The following WDFY4 variants were observed in gnomAD, a reference collection of about 807,000 sequenced individuals.
The protein encoded by WDFY4 is WDFY family member 4, also known as WD repeat- and FYVE domain-containing protein 4.
In WDFY4, 169 loss-of-function variants were observed where a neutral mutation model predicts 351.9. The ratio of observed to expected loss-of-function variants is 0.48; its 90% CI spans 0.42 to 0.55. The LOEUF is 0.55. Ranked by LOEUF, WDFY4 falls within the 20% of genes least tolerant of loss-of-function variation. The probability of loss-of-function intolerance (pLI) is 0.00; values close to 1 mark genes in which losing one functional copy is unlikely to be tolerated. For synonymous variants in WDFY4, 1,622 were observed against 1,574.6 expected (o/e 1.03, Z -0.71); for missense variants, 3,803 against 3,935.6 (o/e 0.97, Z 0.90).
At chr10:48,729,668 T>A in intron 8 of WDFY4, 79 bp downstream of exon 8, 2 of 1,497,754 alleles carry the variant, frequency 1.3e-6, no homozygotes, top group Non-Finnish European at 1.8e-6. Flanking sequence ...TTCTCCTGAT[T>A]CTTTGTGTAC....
intron 5 of WDFY4, among the ~76,000 whole-genome samples, chr10:48,724,664 T>C (rs2132297810): frequency 6.6e-6 from 1 of 152,244 alleles, no homozygotes; most frequent in East Asian, 1.9e-4. Flanking sequence ...TTTCTGTTAC[T>C]TCATTTCACA....
intron 47 of WDFY4, among the ~76,000 whole-genome samples, chr10:48,915,343 G>T (rs1356507344): frequency 6.6e-6 from 1 of 152,042 alleles, no homozygotes; most frequent in Non-Finnish European, 1.5e-5. Flanking sequence ...GCCAGGAAGA[G>T]GACGCAACTC....
chr10:48,883,947 C>T (rs2070357009), intron 43 of WDFY4: 1 of 152,214 alleles, frequency 6.6e-6, no homozygotes, highest in Non-Finnish European at 1.5e-5. Context: ...TCTCTGCAAA[C>T]AGCTCTGTTT....
At chr10:48,751,868 G>A (rs1398940872) in intron 12 of WDFY4, among the ~76,000 whole-genome samples, 1 of 152,166 alleles carries the variant, frequency 6.6e-6, no homozygotes, top group African/African-American at 2.4e-5. Context: ...TTATAGCCAA[G>A]CTCAGGGGCT....
intron 19 of WDFY4, among the ~76,000 whole-genome samples, chr10:48,782,688 A>G (rs982430353): frequency 3.3e-5 from 5 of 152,260 alleles, no homozygotes; most frequent in African/African-American, 1.2e-4. Context: ...CAAGAGTAAG[A>G]TGTGAGAACT....
intron 1 of WDFY4, among the ~76,000 whole-genome samples, chr10:48,707,646 G>A (rs2063666558): frequency 6.6e-6 from 1 of 152,184 alleles, no homozygotes; most frequent in South Asian, 2.1e-4. Flanking sequence ...ACATAATGCT[G>A]GGTGAAAGAG....
rs1319063121 is a variant in WDFY4 at position 48,778,641 on chromosome 10, G to A, written c.3206G>A (p.Gly1069Asp). 1.3e-6 allele frequency: 2 copies of A among 1,551,360 alleles called. No individual in the cohort carries two copies. Among genetic ancestry groups the A allele is most frequent in the Non-Finnish European group, 1.7e-6 (2 of 1,147,014 alleles). ...GATRPFPPPG[G>D]LTFSCWFLIS... ...ACCAGACCGTTCCCTCCTCCTGGAG[G>A]TCTGACCTTCTCCTGCTGGTTCCTG... The change falls in exon 18 of 62, where the codon GGT (glycine) becomes GAT (aspartate). Residue 1069 changes from glycine (G) to aspartate (D), a missense_variant. Coordinates refer to ENST00000325239, the MANE Select transcript of WDFY4 (RefSeq NM_001394531.1).
chr10:48,703,174 CTATT>C (rs201014045), intron 1 of WDFY4, among the ~76,000 whole-genome samples: 2 of 152,152 alleles, frequency 1.3e-5, no homozygotes, highest in East Asian at 1.9e-4. Context: ...AATGGCTTTG[CTATT>C]TATTTATTTA....
intron 12 of WDFY4, among the ~76,000 whole-genome samples, chr10:48,749,868 C>T (rs2065127067): frequency 6.6e-6 from 1 of 152,212 alleles, no homozygotes; most frequent in Non-Finnish European, 1.5e-5. Context: ...TGCCTTCTCC[C>T]AGCCCCTGCC....
chr10:48,889,507 T>TC (rs2070601416), intron 43 of WDFY4, among the ~76,000 whole-genome samples: 1 of 151,080 alleles, frequency 6.6e-6, no homozygotes, highest in South Asian at 2.1e-4. Flanking sequence ...TTATTTTTTT[T>TC]CTCCCAAACA....
At chr10:48,733,856 A>G in intron 9 of WDFY4, 75 bp from the exon 10 acceptor site, 1 of 1,308,008 alleles carries the variant, frequency 7.6e-7, no homozygotes, top group Non-Finnish European at 1.1e-6. Flanking sequence ...AAGAGGATAG[A>G]AAGCTGGAGT....
rs1033932867 is a variant in WDFY4 at position 48,978,369 on chromosome 10, C to T, written c.9352C>T (p.Pro3118Ser). 2.6e-6 allele frequency: 4 copies of T among 1,551,334 alleles called. No homozygotes were observed. Among genetic ancestry groups the T allele is most frequent in the Non-Finnish European group, 3.5e-6 (4 of 1,146,846 alleles). Residue 3118 changes from proline (P) to serine (S), a missense_variant, in exon 60 of 62, where the codon CCG (proline) becomes TCG (serine). Physicochemically the swap from Pro to Ser is moderately conservative, Grantham distance 74. Around this residue, in one of 3 missense-constraint regions of WDFY4, gnomAD observed 3,054 missense variants for 3,148.6 expected, o/e 0.97. Coordinates refer to ENST00000325239, the MANE Select transcript of WDFY4 (RefSeq NM_001394531.1). Reference protein sequence around the residue: ...VPGRPAGEEPPAQPPSPRGHK... With the variant: ...VPGRPAGEEPSAQPPSPRGHK... ...TGGACGGCCAGCAGGAGAGGAGCCC[C>T]CGGCTCAGCCTCCAAGCCCAAGAGG...
intron 19 of WDFY4, among the ~76,000 whole-genome samples, chr10:48,785,392 G>C (rs1371155258): frequency 6.6e-6 from 1 of 151,918 alleles, no homozygotes; most frequent in African/African-American, 2.4e-5. Context: ...CATGCTTTTG[G>C]TGTCGTTTGA....
chr10:48,871,540 A>G (rs186904678), intron 40 of WDFY4, among the ~76,000 whole-genome samples: 12 of 151,210 alleles, frequency 7.9e-5, no homozygotes, highest in African/African-American at 2.7e-4. Context: ...AGTCATGTAA[A>G]TCATAGCCCA....
chr10:48,793,082 C>G (rs559850809), intron 23 of WDFY4, among the ~76,000 whole-genome samples: 2 of 152,314 alleles, frequency 1.3e-5, no homozygotes, highest in East Asian at 3.9e-4. Flanking sequence ...ATGGTAGAGA[C>G]AAGGAGTGGC....
rs187282736 is a variant in WDFY4 at position 48,743,024 on chromosome 10, C to T, written c.1935C>T (p.Ser645=). 5.8e-5 allele frequency: 90 copies of T among 1,551,412 alleles called. No individual in the cohort carries two copies. In the African/African-American group the frequency reaches 1.1e-3, roughly 19 times the overall value. The part of the protein sequence containing the change: ...PKGRAAFRVS[S]GFNGLLSLLS... The stretch of plus-strand genomic sequence containing the variant: ...GTCGTGCTGCCTTCAGAGTCTCCAG[C>T]GGGTTCAACGGGCTGCTGTCTCTGC... Residue 645 remains serine, a synonymous_variant, in exon 12 of 62, where the codon AGC becomes AGT. Coordinates refer to ENST00000325239, the MANE Select transcript of WDFY4 (RefSeq NM_001394531.1).
chr10:48,912,421 A>G (rs1003962087), intron 47 of WDFY4, among the ~76,000 whole-genome samples: 3 of 152,342 alleles, frequency 2.0e-5, no homozygotes, highest in South Asian at 2.1e-4. Flanking sequence ...TCAGAAGCAG[A>G]GCTGCCATGG....
chr10:48,773,642 C>T (rs531557847), intron 13 of WDFY4, among the ~76,000 whole-genome samples: 1 of 152,282 alleles, frequency 6.6e-6, no homozygotes, highest in East Asian at 1.9e-4. Flanking sequence ...CACAGCTATT[C>T]ATGTGGCAGC....
intron 35 of WDFY4, among the ~76,000 whole-genome samples, chr10:48,825,784 T>G (rs552771104): frequency 6.6e-6 from 1 of 152,328 alleles, no homozygotes; most frequent in Non-Finnish European, 1.5e-5. Context: ...TCATGTCCTT[T>G]GCTCATTTTT....
Sources: allele counts gnomAD v4.1 joint callset (sites outside exome capture counted in the v4.1 genomes callset), GRCh38; gene constraint gnomAD v4.1.1; regional missense constraint gnomAD v4.1.1; transcripts MANE v1.5; gene names NCBI Gene and HGNC (gene_info 2026-07-23, HGNC 2026-07-21).